Variants in ZNF236 observed in about 807,000 individuals in gnomAD.
ZNF236 encodes zinc finger protein 236.
Under a neutral mutation model 191.2 loss-of-function variants are expected in ZNF236, and 50 were observed. The observed-to-expected ratio is 0.26, with a 90% CI of 0.21 to 0.33. ZNF236 has a LOEUF of 0.33. Among genes scored for constraint, ZNF236 ranks in the 10% least tolerant of loss-of-function variants. The pLI is 1.00. For synonymous variants in ZNF236, 907 were observed against 928.8 expected, an observed-to-expected ratio of 0.98 and a Z score of 0.43; for missense variants, 1,754 against 2,374.5, an observed-to-expected ratio of 0.74 and a Z score of 5.43.
Position 76,905,379 on chromosome 18 carries a change from C to G in ZNF236, c.2261C>G (p.Thr754Ser). The change falls in exon 13 of 31, where the codon ACT becomes AGT. Residue 754 changes from threonine to serine, a missense_variant. By Grantham distance (58) the Thr-to-Ser change is moderately conservative. Transcript: ENST00000320610. Reference sequence around the variant, plus strand: ...CCCTATTGCCAAAAAACATTTAAGACTTCACTAAATTGCAAAAAGCACATG... The same window carrying G: ...CCCTATTGCCAAAAAACATTTAAGAGTTCACTAAATTGCAAAAAGCACATG... ...MCPYCQKTFKTSLNCKKHMKT... is the reference protein window; with the variant it reads ...MCPYCQKTFKSSLNCKKHMKT... 1.9e-6 allele frequency: 3 copies of G among 1,614,140 alleles called. No homozygotes were observed. Among genetic ancestry groups the G allele is most frequent in the Non-Finnish European group, 2.5e-6 (3 of 1,180,004 alleles).
At chr18:76,897,890 C>A (rs1318965143) in intron 10 of ZNF236, among the ~76,000 whole-genome samples, 1 of 152,218 alleles carries the variant, frequency 6.6e-6, no homozygotes, top group Non-Finnish European at 1.5e-5. Context: ...CTTGTTGAGT[C>A]TCTTCTATAG....
chr18:76,863,683 C>T (rs1356182861), intron 3 of ZNF236, among the ~76,000 whole-genome samples: 1 of 151,954 alleles, frequency 6.6e-6, no homozygotes, highest in Admixed American at 6.6e-5. Context: ...CCACCTCTGC[C>T]TCCAAAGTCC....
At chr18:76,895,535 C>G (rs1364888482) in intron 10 of ZNF236, among the ~76,000 whole-genome samples, 2 of 151,002 alleles carry the variant, frequency 1.3e-5, no homozygotes, top group Non-Finnish European at 3.0e-5. Context: ...GCACACAGTA[C>G]CCAACACAGC....
At chr18:76,933,340 G>C (rs1256289681) in intron 25 of ZNF236, among the ~76,000 whole-genome samples, 1 of 151,846 alleles carries the variant, frequency 6.6e-6, no homozygotes, top group Non-Finnish European at 1.5e-5. Context: ...CTTGGTGGCG[G>C]GTGCCTGTAA....
chr18:76,848,941 G>A (rs1026621543), intron 1 of ZNF236, among the ~76,000 whole-genome samples: 6 of 152,190 alleles, frequency 3.9e-5, no homozygotes, highest in African/African-American at 1.2e-4. Context: ...TAAAAGGCAC[G>A]AGCCACTGTG....
At chr18:76,911,955 G>T (rs1421715283) in intron 16 of ZNF236, among the ~76,000 whole-genome samples, 1 of 152,176 alleles carries the variant, frequency 6.6e-6, no homozygotes, top group Non-Finnish European at 1.5e-5. Context: ...TAGAGCAGAT[G>T]AAAGAGGAAT....
chr18:76,824,024 AC>A (rs960027389), intron 1 of ZNF236: 4 of 349,556 alleles, frequency 1.1e-5, no homozygotes, highest in African/African-American at 8.3e-5. Context: ...GGTGGGTTAT[AC>A]CTTGACTGCC....
chr18:76,886,611 T>C (rs887245301), intron 9 of ZNF236: 59 of 160,806 alleles, frequency 3.7e-4, no homozygotes, highest in Non-Finnish European at 4.7e-4. Flanking sequence ...TGTCGAAATA[T>C]AAACTGCGCA....
At chr18:76,845,376 G>A (rs575319673) in intron 1 of ZNF236, among the ~76,000 whole-genome samples, 9 of 152,242 alleles carry the variant, frequency 5.9e-5, no homozygotes, top group South Asian at 4.2e-4. Context: ...GCAGAAACAG[G>A]TAGCTGAAAA....
intron 1 of ZNF236, among the ~76,000 whole-genome samples, chr18:76,846,102 A>T (rs1195826087): frequency 6.6e-6 from 1 of 151,982 alleles, no homozygotes; most frequent in East Asian, 1.9e-4. Flanking sequence ...TTATCTAAGG[A>T]TGCATTAATT....
At position 76,952,582 on chromosome 18, in the gene ZNF236, T is replaced by C. The variant is rs187915114; in HGVS notation, c.4915-3403T>C. Among the ~76,000 whole-genome samples the C allele has an allele frequency of 1.1e-4, 16 of 152,278 alleles. No homozygotes were observed. The East Asian group carries it at 3.1e-3, about 29-fold the overall frequency. On this transcript the variant is annotated intron_variant, in intron 27 of 30. Transcript: ENST00000320610. ...TGTAGCCTCTGGTGATGTCTGTGCA[T>C]CCCTGCTCCCATGCTTTCTGGCCAG...
chr18:76,957,953 C>T (rs1004096684), intron 28 of ZNF236, among the ~76,000 whole-genome samples: 1 of 152,226 alleles, frequency 6.6e-6, no homozygotes, highest in Admixed American at 6.5e-5. Flanking sequence ...AACTTAAGAG[C>T]TTCTGCACAG....
chr18:76,935,573 G>T (rs986374092), intron 25 of ZNF236, among the ~76,000 whole-genome samples: 1 of 152,170 alleles, frequency 6.6e-6, no homozygotes, highest in Admixed American at 6.5e-5. Flanking sequence ...CTGTGCGCTG[G>T]CTTCGCCTTG....
intron 19 of ZNF236, among the ~76,000 whole-genome samples, chr18:76,916,138 G>A (rs1021569192): frequency 2.6e-5 from 4 of 152,230 alleles, no homozygotes; most frequent in South Asian, 2.1e-4. Context: ...GCTTGGGCGC[G>A]CATGTTGCTA....
chr18:76,883,140 C>A (rs962188079), intron 9 of ZNF236, among the ~76,000 whole-genome samples: 3 of 152,208 alleles, frequency 2.0e-5, no homozygotes, highest in Non-Finnish European at 4.4e-5. Context: ...AGCTTTCTCC[C>A]TGCACCAAGT....
At position 76,952,339 on chromosome 18, in the gene ZNF236, A is replaced by T. The variant is rs140979332; in HGVS notation, c.4915-3646A>T. Among the ~76,000 whole-genome samples the T allele has an allele frequency of 1.2e-3, 187 of 152,348 alleles. 1 individual carries two copies. The highest frequency in any genetic ancestry group is 6.8e-3 in the Middle Eastern group (2 of 294). ...TTAGGTTGTAGCACTGTTTGCCAAC[A>T]TTAATTGGTTTTAATCATGGTCTAA... On this transcript the variant is annotated intron_variant, in intron 27 of 30. Transcript: ENST00000320610.
At position 76,919,691 on chromosome 18, in the gene ZNF236, C is replaced by T. The variant is rs183126323; in HGVS notation, c.3275-85C>T. 1.1e-4 allele frequency: 162 copies of T among 1,460,402 alleles called. No individual in the cohort carries two copies. The highest frequency in any genetic ancestry group is 1.8e-4 in the Admixed American group (10 of 54,242). 90.5% of individuals were successfully genotyped at this position (1,460,402 alleles called of 1,614,324 possible). ...TTGAGTTATTAATTTTCATTACATA[C>T]ATACCTATTTAGTTTTAATTGTTTT... On this transcript the variant is annotated intron_variant, in intron 19 of 30. Coordinates refer to ENST00000320610, the MANE Select transcript of ZNF236 (RefSeq NM_001306089.2). This position sits in a 1 kb window ranked among gnomAD's most constrained non-coding sequence, Gnocchi z 5.3.
chr18:76,882,922 C>T (rs1294146083), intron 9 of ZNF236, among the ~76,000 whole-genome samples: 3 of 152,304 alleles, frequency 2.0e-5, no homozygotes, highest in East Asian at 1.9e-4. Flanking sequence ...TACCTCTGTG[C>T]GAGTGCCCGC....
Position 76,904,530 on chromosome 18 carries a change from A to T in ZNF236, c.2036+9A>T. The stretch of plus-strand genomic sequence containing the variant: ...CTTAAACAACACATCAGGTAAGGTA[A>T]CGGATTCACAGATGGAAATTTAGTA... On this transcript the variant is annotated intron_variant, in intron 12 of 30. Transcript: ENST00000320610. 6.4e-7 allele frequency: 1 copy of T among 1,567,396 alleles called. No homozygotes were observed. Among genetic ancestry groups the T allele is most frequent in the Non-Finnish European group, 8.6e-7 (1 of 1,157,506 alleles).
Sources: gnomAD v4.1 joint callset for allele counts (sites outside exome capture counted in the v4.1 genomes callset) on GRCh38, gnomAD v4.1.1 for gene constraint, Gnocchi (gnomAD v3.1) non-coding constraint, MANE v1.5 for transcripts, NCBI Gene and HGNC (gene_info 2026-07-23, HGNC 2026-07-21) for gene names.